Variants in CLN6 observed in about 807,000 individuals in gnomAD.
CLN6 encodes the protein CLN6 transmembrane ER protein.
In CLN6, 22 loss-of-function variants were observed where a neutral mutation model predicts 33.3. The ratio of observed to expected loss-of-function variants is 0.66; its 90% CI spans 0.47 to 0.94. The LOEUF (loss-of-function observed/expected upper bound fraction) is 0.94. CLN6 is among the 40% of genes least tolerant of loss of function. The pLI, the probability that CLN6 is intolerant of heterozygous loss-of-function variation, is 0.00. For synonymous variants in CLN6, 201 were observed against 174.6 expected (o/e 1.15, Z -1.19); for missense variants, 387 against 417.1 (o/e 0.93, Z 0.63).
In CLN6 at chr15:68,211,838, A is replaced by G; in HGVS notation, c.323T>C (p.Leu108Pro). The G allele has an allele frequency of 6.2e-7, 1 of 1,613,844 alleles. No individual in the cohort carries two copies. The highest frequency in any genetic ancestry group is 1.1e-5 in the South Asian group (1 of 91,088). Residue 108 changes from leucine to proline, a missense_variant, in exon 4 of 7, where the codon CTG becomes CCG. Coordinates refer to ENST00000249806, the MANE Select transcript of CLN6 (RefSeq NM_017882.3). This position sits in a 1 kb window ranked among gnomAD's most constrained non-coding sequence, Gnocchi z 5.9. ...GCTCACGTACGTGATGGAGCGTGGC[A>G]GGGTGCGGGGGGACCGCTCGATGAG... is the stretch of plus-strand genomic sequence containing the variant. ...LKLIERSPRT[L>P]PRSITYVSII...
rs117594646 is a variant in CLN6, at chr15:68,218,848, G to A, written c.84-198C>T. ...GGAGAAGGTGGACTTCAGCTGCCCCGACCTTAGCTTCTCTCTGATTCAGGA... is the reference window on the plus strand; with the variant it reads ...GGAGAAGGTGGACTTCAGCTGCCCCAACCTTAGCTTCTCTCTGATTCAGGA... On this transcript the variant is annotated intron_variant, in intron 1 of 6. Coordinates refer to ENST00000249806, the MANE Select transcript of CLN6 (RefSeq NM_017882.3). 6.2e-3 allele frequency among the ~76,000 whole-genome samples: 939 copies of A among 152,206 alleles called. 4 individuals carry two copies. Among genetic ancestry groups the A allele is most frequent in the East Asian group, 0.033 (170 of 5,168 alleles).
In CLN6 at chr15:68,219,915, C is replaced by A. The variant is rs1220755642; in HGVS notation, c.84-1265G>T. Among the ~76,000 whole-genome samples the A allele has an allele frequency of 6.6e-6, 1 of 152,182 alleles. No individual in the cohort carries two copies. Among genetic ancestry groups the A allele is most frequent in the Non-Finnish European group, 1.5e-5 (1 of 68,030 alleles). ...TTCCTCCAGAGTTCTGAGCTCAGGC[C>A]CTGGTCCATGCTCAGCAACTACTGG... On this transcript the variant is annotated intron_variant, in intron 1 of 6. Coordinates refer to ENST00000249806, the MANE Select transcript of CLN6 (RefSeq NM_017882.3). The surrounding 1 kb of genome is among the most constrained non-coding windows in gnomAD (Gnocchi z 4.2).
Position 68,241,645 on chromosome 15 carries a change from T to C in CLN6, c.179+15045A>G, listed in dbSNP as rs1203514635. On this transcript the variant is annotated intron_variant, in intron 1 of 6. Transcript: ENST00000538696. This position sits in a 1 kb window ranked among gnomAD's most constrained non-coding sequence, Gnocchi z 4.2. Reference sequence around the variant, plus strand: ...GAGGTGGGGATACTATCCCTAGCCCTAGAAACATGGTTCTGTAACTCGGCC... The same window carrying C: ...GAGGTGGGGATACTATCCCTAGCCCCAGAAACATGGTTCTGTAACTCGGCC... Among the ~76,000 whole-genome samples the C allele has an allele frequency of 6.6e-6, 1 of 152,210 alleles. No homozygotes were observed. Among genetic ancestry groups the C allele is most frequent in the Admixed American group, 6.5e-5 (1 of 15,278 alleles).
At position 68,209,834 on chromosome 15, in the gene CLN6, T is replaced by C; in HGVS notation, c.543-75A>G. 6.3e-7 allele frequency: 1 copy of C among 1,586,022 alleles called. No homozygotes were observed. Among genetic ancestry groups the C allele is most frequent in the East Asian group, 2.3e-5 (1 of 44,330 alleles). ...CCCACAACCTCTGCAACCACTCCCATGGGGTCTCATGGAGTGCCACGTCAC... is the reference window on the plus strand; with the variant it reads ...CCCACAACCTCTGCAACCACTCCCACGGGGTCTCATGGAGTGCCACGTCAC... On this transcript the variant is annotated intron_variant, in intron 5 of 6. Coordinates refer to ENST00000249806, the MANE Select transcript of CLN6 (RefSeq NM_017882.3). The surrounding 1 kb of genome is among the most constrained non-coding windows in gnomAD (Gnocchi z 4.9).
At position 68,243,775 on chromosome 15, in the gene CLN6, A is replaced by C. The variant is rs189541018; in HGVS notation, c.179+12915T>G. On this transcript the variant is annotated intron_variant, in intron 1 of 6. Coordinates refer to the CLN6 transcript ENST00000538696. ...ATCTCAAAAAAAAAAAAAAAACACA[A>C]AAAAAAGGATGGGCATGGTGGCTCA... Among the ~76,000 whole-genome samples the C allele has an allele frequency of 7.1e-3, 1,068 of 150,090 alleles. 18 individuals carry two copies. Among genetic ancestry groups the C allele is most frequent in the African/African-American group, 0.023 (942 of 40,202 alleles).
intron 1 of CLN6, among the ~76,000 whole-genome samples, chr15:68,221,571 G>A (rs1014348591): frequency 4.6e-5 from 7 of 152,216 alleles, no homozygotes; most frequent in South Asian, 2.1e-4. Context: ...GCGTGATCTC[G>A]GCTCGCTACA....
At position 68,227,392 on chromosome 15, in the gene CLN6, T is replaced by C. The variant is rs985652391; in HGVS notation, c.83+2110A>G. 6.6e-6 allele frequency among the ~76,000 whole-genome samples: 1 copy of C among 152,078 alleles called. No homozygotes were observed. The highest frequency in any genetic ancestry group is 2.4e-5 in the African/African-American group (1 of 41,392). On this transcript the variant is annotated intron_variant, in intron 1 of 6. Transcript: ENST00000249806. The surrounding 1 kb of genome is among the most constrained non-coding windows in gnomAD (Gnocchi z 4.1). ...AAACTGGCAACAAAGCAGGTGGACG[T>C]TGGAATGGGTTACCTTAAGAGGTAG...
At chr15:68,215,781 G>C (rs1318954290) in intron 2 of CLN6, among the ~76,000 whole-genome samples, 3 of 152,132 alleles carry the variant, frequency 2.0e-5, no homozygotes. Context: ...AAACAAGCAG[G>C]TTGCAAAATA....
chr15:68,252,995 CTTAAG>C (rs962178756), intron 1 of CLN6, among the ~76,000 whole-genome samples: 6 of 152,184 alleles, frequency 3.9e-5, no homozygotes, highest in Non-Finnish European at 8.8e-5. Flanking sequence ...TGTTCTAGTT[CTTAAG>C]TTGAATGGCG....
Position 68,227,188 on chromosome 15 carries a change from C to T in CLN6, c.83+2314G>A, listed in dbSNP as rs568613300. 4.6e-5 allele frequency among the ~76,000 whole-genome samples: 7 copies of T among 152,172 alleles called. No individual in the cohort carries two copies. The highest frequency in any genetic ancestry group is 1.7e-4 in the African/African-American group (7 of 41,532). On this transcript the variant is annotated intron_variant, in intron 1 of 6. Coordinates refer to ENST00000249806, the MANE Select transcript of CLN6 (RefSeq NM_017882.3). The surrounding 1 kb of genome is among the most constrained non-coding windows in gnomAD (Gnocchi z 4.1). ...GAGTAGCTGGGATTACAGGCATGGGCCATCACACCTGGATAATTTTTGTAT... is the reference window on the plus strand; with the variant it reads ...GAGTAGCTGGGATTACAGGCATGGGTCATCACACCTGGATAATTTTTGTAT...
Position 68,229,485 on chromosome 15 carries a change from C to A in CLN6, c.83+17G>T. 1 of 1,460,308 alleles carries A rather than the reference C, an allele frequency of 6.8e-7. No homozygotes were observed. Among genetic ancestry groups the A allele is most frequent in the South Asian group, 1.3e-5 (1 of 77,406 alleles). 90.5% of individuals were successfully genotyped at this position (1,460,308 alleles called of 1,614,324 possible). ...CACAGGCGCCTAGCCCGCCCTCTCA[C>A]CCCGGCGCGCGCCCACCTGGCCTGC... On this transcript the variant is annotated intron_variant, in intron 1 of 6. Transcript: ENST00000249806.
chr15:68,223,035 C>G (rs1380578306), intron 1 of CLN6, among the ~76,000 whole-genome samples: 1 of 152,000 alleles, frequency 6.6e-6, no homozygotes, highest in Non-Finnish European at 1.5e-5. Flanking sequence ...GACCTTTGTT[C>G]ACGTGTTTAT....
chr15:68,213,214 GC>G (rs1400547677), intron 3 of CLN6: 1 of 151,900 alleles, frequency 6.6e-6, no homozygotes, highest in African/African-American at 2.4e-5. Flanking sequence ...AAGCCACCAT[GC>G]CGGCCCTAAG....
At chr15:68,222,597 C>T (rs1021018527) in intron 1 of CLN6, among the ~76,000 whole-genome samples, 15 of 152,214 alleles carry the variant, frequency 9.9e-5, no homozygotes, top group Non-Finnish European at 1.6e-4. Context: ...CCCGGCCGCC[C>T]GGTCTGGGAG....
chr15:68,233,022 G>A (rs1447841661), upstream of CLN6, among the ~76,000 whole-genome samples: 4 of 152,290 alleles, frequency 2.6e-5, no homozygotes, highest in Admixed American at 6.5e-5. This position sits in a 1 kb window ranked among gnomAD's most constrained non-coding sequence, Gnocchi z 4.3. Flanking sequence ...TAGTCTGGGC[G>A]ACAGAGCAAG....
At position 68,229,608 on chromosome 15, in the gene CLN6, C is replaced by A; in HGVS notation, c.-24G>T. 1 of 1,448,432 alleles carries A rather than the reference C, an allele frequency of 6.9e-7. No homozygotes were observed. Among genetic ancestry groups the A allele is most frequent in the Non-Finnish European group, 9.1e-7 (1 of 1,102,498 alleles). 89.7% of individuals were successfully genotyped at this position (1,448,432 alleles called of 1,614,324 possible). On this transcript the variant is annotated 5_prime_UTR_variant, in exon 1 of 7. Coordinates refer to ENST00000249806, the MANE Select transcript of CLN6 (RefSeq NM_017882.3). ...ATGGCTGCCCCGCAGGCCCCTCGGC[C>A]CTGCCTTTCCGAGGAAGAGACCGGT...
In CLN6 at chr15:68,209,251, G is replaced by A. The variant is rs768958179; in HGVS notation, c.665+386C>T. The stretch of plus-strand genomic sequence containing the variant: ...TCCTCATCATCTGAGAGGCAGACAG[G>A]CAGGTACCATCATCCCCACTTCACA... On this transcript the variant is annotated intron_variant, in intron 6 of 6. Coordinates refer to ENST00000249806, the MANE Select transcript of CLN6 (RefSeq NM_017882.3). The surrounding 1 kb of genome is among the most constrained non-coding windows in gnomAD (Gnocchi z 4.9). Among the ~76,000 whole-genome samples the A allele has an allele frequency of 6.6e-6, 1 of 152,184 alleles. No homozygotes were observed. Among genetic ancestry groups the A allele is most frequent in the South Asian group, 2.1e-4 (1 of 4,828 alleles).
chr15:68,217,764 T>C (rs1283798790), intron 2 of CLN6, among the ~76,000 whole-genome samples: 1 of 152,144 alleles, frequency 6.6e-6, no homozygotes, highest in Non-Finnish European at 1.5e-5. Context: ...CTGGGGGCCA[T>C]GAATAGTCAC....
Position 68,247,051 on chromosome 15 carries a change from G to A in CLN6, c.179+9639C>T, listed in dbSNP as rs901074177. Among the ~76,000 whole-genome samples the A allele has an allele frequency of 1.3e-5, 2 of 152,076 alleles. No individual in the cohort carries two copies. The highest frequency in any genetic ancestry group is 2.9e-5 in the Non-Finnish European group (2 of 68,022). ...CATGCCTGTAATCCCAGATACTCGG[G>A]AGGCTGAGGCAGGAGAATTGCTTGA... On this transcript the variant is annotated intron_variant, in intron 1 of 6. Coordinates refer to the CLN6 transcript ENST00000538696. The surrounding 1 kb of genome is among the most constrained non-coding windows in gnomAD (Gnocchi z 4.2).
Sources: gnomAD v4.1 joint callset for allele counts (sites outside exome capture counted in the v4.1 genomes callset) on GRCh38, gnomAD v4.1.1 for gene constraint, Gnocchi (gnomAD v3.1) non-coding constraint, MANE v1.5 for transcripts, NCBI Gene and HGNC (gene_info 2026-07-23, HGNC 2026-07-21) for gene names.